Variants in SUMF1 observed in about 807,000 individuals in gnomAD.
SUMF1 encodes sulfatase modifying factor 1.
A neutral mutation model predicts 47.6 loss-of-function variants in SUMF1; 48 were observed. That is an observed-to-expected ratio of 1.01 (90% CI 0.80 to 1.28). The LOEUF is 1.28. Ranked by LOEUF, SUMF1 falls within the 50% of genes most tolerant of loss-of-function variation. The pLI, the probability that SUMF1 is intolerant of heterozygous loss-of-function variation, is 0.00. For missense variants in SUMF1, 571 were observed against 485.4 expected (o/e 1.18, Z -1.66); for synonymous variants, 230 against 192.1 (o/e 1.20, Z -1.63).
intron 8 of SUMF1, among the ~76,000 whole-genome samples, chr3:4,231,403 A>C (rs1206502277): frequency 6.6e-6 from 1 of 152,150 alleles, no homozygotes; most frequent in African/African-American, 2.4e-5. Context: ...AATACAGAGA[A>C]CTTTTCTCAA....
Position 4,393,653 on chromosome 3 carries a change from A to AT in SUMF1, c.954+17211dup, listed in dbSNP as rs542035134. On this transcript the variant is annotated intron_variant, in intron 7 of 8. Transcript: ENST00000272902. ...TGGCCTTTTATTTATTTATTTATTT[A>AT]TTATTATTATTATTTTTAATAATAG... Among the ~76,000 whole-genome samples, 464 of 151,296 alleles carry AT rather than the reference A, an allele frequency of 3.1e-3. 4 individuals are homozygous for AT. The highest frequency in any genetic ancestry group is 0.011 in the African/African-American group (436 of 41,318).
intron 3 of SUMF1, among the ~76,000 whole-genome samples, chr3:4,448,693 T>A (rs1203560508): frequency 6.6e-6 from 1 of 152,180 alleles, no homozygotes; most frequent in East Asian, 1.9e-4. Flanking sequence ...CACCGTTTGT[T>A]TCCATGTCTG....
intron 3 of SUMF1, among the ~76,000 whole-genome samples, chr3:4,444,090 A>C (rs563110696): frequency 6.6e-6 from 1 of 152,246 alleles, no homozygotes; most frequent in South Asian, 2.1e-4. Context: ...AAAACAACTA[A>C]TTTTCAAGGG....
chr3:4,064,182 T>TCACACGGCACAAGATAC (rs1695330580), intron 9 of SUMF1, among the ~76,000 whole-genome samples: 2 of 152,040 alleles, frequency 1.3e-5, no homozygotes, highest in Non-Finnish European at 2.9e-5. Flanking sequence ...GCACAAGATA[T>TCACACGGCACAAGATAC]AGGTCACAAA....
chr3:4,343,842 T>C (rs1023868411), intron 8 of SUMF1, among the ~76,000 whole-genome samples: 1 of 152,182 alleles, frequency 6.6e-6, no homozygotes, highest in Non-Finnish European at 1.5e-5. Flanking sequence ...TTGGCAAAGA[T>C]ATAAATAGGT....
chr3:4,159,476 T>C (rs1173421904), intron 8 of SUMF1, among the ~76,000 whole-genome samples: 1 of 151,108 alleles, frequency 6.6e-6, no homozygotes, highest in African/African-American at 2.5e-5. Flanking sequence ...TTAAACCTTT[T>C]GTTTTTTCTA....
intron 8 of SUMF1, among the ~76,000 whole-genome samples, chr3:4,161,794 C>T (rs950145344): frequency 1.3e-5 from 2 of 152,204 alleles, no homozygotes; most frequent in East Asian, 1.9e-4. Context: ...GTGCCCTACC[C>T]CACTGTGGCT....
chr3:4,129,191 G>A (rs189822058), intron 8 of SUMF1, among the ~76,000 whole-genome samples: 26 of 152,190 alleles, frequency 1.7e-4, no homozygotes, highest in East Asian at 7.7e-4. Context: ...CGGTGGGAAT[G>A]ACAGTCACTC....
At chr3:4,093,976 G>A (rs571843494) in intron 8 of SUMF1, among the ~76,000 whole-genome samples, 36 of 152,104 alleles carry the variant, frequency 2.4e-4, no homozygotes, top group African/African-American at 8.2e-4. Context: ...AAAGAGATTC[G>A]AAATAAGGTA....
intron 8 of SUMF1, among the ~76,000 whole-genome samples, chr3:4,244,148 T>C (rs961368605): frequency 6.6e-6 from 1 of 152,210 alleles, no homozygotes; most frequent in African/African-American, 2.4e-5. Context: ...TTTGAGCCTA[T>C]GTGTGTCTTT....
chr3:4,146,536 T>C (rs1205813704), intron 8 of SUMF1, among the ~76,000 whole-genome samples: 2 of 149,584 alleles, frequency 1.3e-5, no homozygotes, highest in African/African-American at 2.5e-5. Flanking sequence ...TTGGAATTTC[T>C]TTTTTTTTTC....
At chr3:4,382,434 T>C (rs1700535612) in intron 7 of SUMF1, among the ~76,000 whole-genome samples, 1 of 151,932 alleles carries the variant, frequency 6.6e-6, no homozygotes, top group Admixed American at 6.6e-5. Context: ...TAGAAGAATA[T>C]ACTAAAATGA....
intron 8 of SUMF1, among the ~76,000 whole-genome samples, chr3:4,104,907 T>C (rs1402674010): frequency 2.0e-5 from 3 of 152,108 alleles, no homozygotes; most frequent in Non-Finnish European, 4.4e-5. Flanking sequence ...ATCAGTATGT[T>C]GAAGAGATAC....
intron 8 of SUMF1, among the ~76,000 whole-genome samples, chr3:4,253,747 G>C (rs1371097400): frequency 8.9e-5 from 13 of 145,370 alleles, no homozygotes; most frequent in African/African-American, 3.1e-4. Context: ...GCTCGAATTG[G>C]GTGGAACCCA....
rs1047116759 is a variant in SUMF1, at chr3:4,456,651, T to G, written c.271-3602A>C. Among the ~76,000 whole-genome samples, 2 of 139,104 alleles carry G rather than the reference T, an allele frequency of 1.4e-5. 1 individual carries two copies. The highest frequency in any genetic ancestry group is 3.0e-5 in the Non-Finnish European group (2 of 66,256). The allele number at this position is 139,104 out of a possible 152,430, so 91.3% of individuals were successfully genotyped here. A position where few individuals can be genotyped will look rare whatever the true frequency, so the allele number is the denominator to read the frequency against. ...ATATATATACGTGTATATATATATA[T>G]GTGTGTGTATATATATATATACGTG... On this transcript the variant is annotated intron_variant, in intron 1 of 8. Coordinates refer to ENST00000272902, the MANE Select transcript of SUMF1 (RefSeq NM_182760.4).
At chr3:4,426,067 G>A (rs550112501) in intron 3 of SUMF1, among the ~76,000 whole-genome samples, 1 of 152,168 alleles carries the variant, frequency 6.6e-6, no homozygotes, top group African/African-American at 2.4e-5. Flanking sequence ...TAAAGATTAT[G>A]GGAGCTACAA....
downstream of SUMF1, among the ~76,000 whole-genome samples, chr3:4,360,205 C>CTTTTTTTTTTTTTTTTTTTT (rs57690047): frequency 4.8e-5 from 5 of 104,140 alleles, 2 homozygotes; most frequent in African/African-American, 6.9e-5. Flanking sequence ...AATGTTTGTT[C>CTTTTTTTTTTTTTTTTTTTT]TTTTTTTTTT....
chr3:4,400,389 T>C (rs1701172476), intron 7 of SUMF1, among the ~76,000 whole-genome samples: 1 of 152,198 alleles, frequency 6.6e-6, no homozygotes, highest in African/African-American at 2.4e-5. Context: ...CCTATTACCA[T>C]GGAAATGATA....
intron 8 of SUMF1, chr3:4,068,824 G>A (rs1046726806): frequency 1.7e-5 from 4 of 231,444 alleles, no homozygotes; most frequent in Non-Finnish European, 2.7e-5. Context: ...TCATGTGACA[G>A]GCATGCTAAA....
Sources: gnomAD v4.1 joint callset for allele counts (sites outside exome capture counted in the v4.1 genomes callset) on GRCh38, gnomAD v4.1.1 for gene constraint, MANE v1.5 for transcripts, NCBI Gene and HGNC (gene_info 2026-07-23, HGNC 2026-07-21) for gene names.